PCDHA5: variants seen among roughly 807,000 people sequenced by gnomAD.
PCDHA5 encodes the protein protocadherin alpha-5.
PCDHA5 carries 43 observed loss-of-function variants against 61.6 expected under a neutral mutation model. The ratio of observed to expected loss-of-function variants is 0.70; its 90% CI spans 0.55 to 0.90. The LOEUF is 0.90. Ranked by LOEUF, PCDHA5 falls within the 40% of genes least tolerant of loss-of-function variation. The pLI, the probability that PCDHA5 is intolerant of heterozygous loss-of-function variation, is 0.00. For synonymous variants in PCDHA5, 627 were observed against 543.9 expected (o/e 1.15, Z -2.13); for missense variants, 1,298 against 1,222.7 (o/e 1.06, Z -0.92).
At chr5:140,969,170 G>A in intron 1 of PCDHA5, 1 of 1,614,114 alleles carries the variant, frequency 6.2e-7, no homozygotes. Flanking sequence ...AGCAGGCTCA[G>A]GGAGTGACAC....
intron 1 of PCDHA5, chr5:140,856,511 G>A (rs1554148790): frequency 6.3e-7 from 1 of 1,598,478 alleles, no homozygotes; most frequent in Non-Finnish European, 8.6e-7. Context: ...TCCACTAGAA[G>A]GCGCATCTGA....
chr5:141,009,944 C>T lies in PCDHA5; in HGVS notation c.*7C>T. On this transcript the variant is annotated 3_prime_UTR_variant, in exon 4 of 4. Coordinates refer to ENST00000529859, the MANE Select transcript of PCDHA5 (RefSeq NM_018908.3). Reference sequence around the variant, plus strand: ...TGACAACAGTGACCAGTGAGGTCCTCAAATGGAAACAAGCCACTTAGCCAG... The same window carrying T: ...TGACAACAGTGACCAGTGAGGTCCTTAAATGGAAACAAGCCACTTAGCCAG... The T allele has an allele frequency of 6.3e-7, 1 of 1,595,754 alleles. No individual in the cohort carries two copies. The highest frequency in any genetic ancestry group is 1.1e-5 in the South Asian group (1 of 87,514).
chr5:140,861,521 G>T, intron 1 of PCDHA5: 1 of 460,572 alleles, frequency 2.2e-6, no homozygotes, highest in Non-Finnish European at 4.5e-6. Flanking sequence ...TGTGTGGGAG[G>T]ATCTCGGAGT....
chr5:140,831,119 G>T (rs1198671587), intron 1 of PCDHA5: 1 of 152,072 alleles, frequency 6.6e-6, no homozygotes, highest in Non-Finnish European at 1.5e-5. Context: ...GAATACTTCT[G>T]GTTGTTATGG....
chr5:140,845,266 T>G (rs1779777521), intron 1 of PCDHA5, among the ~76,000 whole-genome samples: 1 of 149,636 alleles, frequency 6.7e-6, no homozygotes, highest in Non-Finnish European at 1.5e-5. Context: ...TGTTTTCCTT[T>G]GTGAAAGTAA....
At chr5:140,863,216 C>T (rs781920741) in intron 1 of PCDHA5, 10 of 1,084,230 alleles carry the variant, frequency 9.2e-6, no homozygotes, top group African/African-American at 3.2e-5. Flanking sequence ...AGCAGCCAAG[C>T]GAGGAAGGTC....
intron 1 of PCDHA5, chr5:140,875,357 C>G (rs1173514822): frequency 6.9e-7 from 1 of 1,446,594 alleles, no homozygotes; most frequent in Non-Finnish European, 9.1e-7. Flanking sequence ...GACTGTGATG[C>G]TGGAAAAAAT....
chr5:140,868,895 G>A (rs782646284), intron 1 of PCDHA5: 198 of 777,068 alleles, frequency 2.5e-4, no homozygotes, highest in Admixed American at 3.7e-4. Flanking sequence ...TAGGCGCAAG[G>A]TGTCGCTCTT....
chr5:140,847,504 T>C (rs1781050995), intron 1 of PCDHA5: 1 of 149,690 alleles, frequency 6.7e-6, no homozygotes. Flanking sequence ...ACAACAAAAC[T>C]TTGTAGAACT....
At position 140,883,606 on chromosome 5, in the gene PCDHA5, C is replaced by G; in HGVS notation, c.2352+59479C>G. 3 of 1,613,944 alleles carry G rather than the reference C, an allele frequency of 1.9e-6. No homozygotes were observed. In the African/African-American group the frequency reaches 4.0e-5, roughly 22 times the overall value. On this transcript the variant is annotated intron_variant, in intron 1 of 3. Coordinates refer to ENST00000529859, the MANE Select transcript of PCDHA5 (RefSeq NM_018908.3). ...CGGCCAGCGTGTCGGTGGGGGTGGC[C>G]GACGTGAACGACAACGCGCCGGCGT...
intron 1 of PCDHA5, among the ~76,000 whole-genome samples, chr5:140,899,745 A>G: frequency 6.6e-6 from 1 of 152,214 alleles, no homozygotes; most frequent in Non-Finnish European, 1.5e-5. Flanking sequence ...GAATAGTTTC[A>G]GAAGGAATGG....
chr5:140,851,076 A>C (rs782314087), intron 1 of PCDHA5: 1 of 1,337,516 alleles, frequency 7.5e-7, no homozygotes, highest in Non-Finnish European at 9.8e-7. Flanking sequence ...AGAATTATAA[A>C]CTGTATATTA....
At chr5:140,967,355 C>G in intron 1 of PCDHA5, 1 of 1,608,112 alleles carries the variant, frequency 6.2e-7, no homozygotes, top group Non-Finnish European at 8.5e-7. Context: ...CGAGCTGGAC[C>G]TTAAGCCCCT....
At position 140,842,211 on chromosome 5, in the gene PCDHA5, G is replaced by A. The variant is rs141101675; in HGVS notation, c.2352+18084G>A. The A allele has an allele frequency of 5.8e-5, 93 of 1,613,388 alleles. 2 individuals carry two copies. Among genetic ancestry groups the A allele is most frequent in the Non-Finnish European group, 5.4e-5 (64 of 1,179,636 alleles). ...GTTATTGACCACTTTAGCATAGATCGAAATACGGGAGAAATAGTGATTCGG... is the reference window on the plus strand; with the variant it reads ...GTTATTGACCACTTTAGCATAGATCAAAATACGGGAGAAATAGTGATTCGG... On this transcript the variant is annotated intron_variant, in intron 1 of 3. Transcript: ENST00000529859.
intron 1 of PCDHA5, chr5:140,865,192 A>G (rs1306002523): frequency 6.6e-6 from 1 of 152,218 alleles, no homozygotes; most frequent in Admixed American, 6.5e-5. Context: ...CCTTCACACC[A>G]TATTAATGTG....
chr5:140,874,505 T>C (rs550206385), intron 1 of PCDHA5, among the ~76,000 whole-genome samples: 1 of 152,366 alleles, frequency 6.6e-6, no homozygotes, highest in African/African-American at 2.4e-5. Context: ...GTTCACATTC[T>C]CTTGACTTTA....
intron 1 of PCDHA5, among the ~76,000 whole-genome samples, chr5:140,947,807 G>T (rs542859945): frequency 3.6e-4 from 55 of 151,694 alleles, no homozygotes; most frequent in Non-Finnish European, 7.1e-4. Context: ...AATTTGCAGA[G>T]ACTATTTCTT....
At chr5:140,839,133 T>C (rs1776048029) in intron 1 of PCDHA5, among the ~76,000 whole-genome samples, 1 of 149,316 alleles carries the variant, frequency 6.7e-6, no homozygotes, top group Non-Finnish European at 1.5e-5. Context: ...GTCATTCACA[T>C]AAGCAGACCA....
At position 140,824,128 on chromosome 5, in the gene PCDHA5, G is replaced by T. The variant is rs2150132409; in HGVS notation, c.2352+1G>T. On this transcript the variant is annotated splice_donor_variant, in intron 1 of 3. Coordinates refer to ENST00000529859, the MANE Select transcript of PCDHA5 (RefSeq NM_018908.3). LOFTEE classifies it high-confidence loss of function. The stretch of plus-strand genomic sequence containing the variant: ...TCAGGGTCCCACCTCTACAGACAAC[G>T]TGAGTTTTCTAATATTAACATCCAT... The T allele has an allele frequency of 1.9e-6, 3 of 1,612,826 alleles. No homozygotes were observed. The highest frequency in any genetic ancestry group is 2.5e-6 in the Non-Finnish European group (3 of 1,178,864).
Sources: gnomAD v4.1 joint callset for allele counts (sites outside exome capture counted in the v4.1 genomes callset) on GRCh38, gnomAD v4.1.1 for gene constraint, MANE v1.5 for transcripts, NCBI Gene and HGNC (gene_info 2026-07-23, HGNC 2026-07-21) for gene names.